AK9: variants seen among roughly 807,000 people sequenced by gnomAD.
AK9 encodes the protein adenylate kinase 9, also known as adenylate kinase domain containing 1.
AK9 carries 191 observed loss-of-function variants against 239.6 expected under a neutral mutation model. The observed-to-expected ratio is 0.80, with a 90% CI of 0.71 to 0.90. AK9 has a LOEUF of 0.90. Among genes scored for constraint, AK9 ranks in the 40% least tolerant of loss-of-function variants. The pLI is 0.00. For missense variants in AK9, 1,995 were observed against 2,214.7 expected (o/e 0.90, Z 1.99); for synonymous variants, 689 against 721.0 (o/e 0.96, Z 0.71).
chr6:109,565,935 A>T (rs1570011), intron 21 of AK9, among the ~76,000 whole-genome samples: 1 of 151,878 alleles, frequency 6.6e-6, no homozygotes, highest in Non-Finnish European at 1.5e-5. Flanking sequence ...CAAGCCTGGG[A>T]CTGGCCTGGT....
chr6:109,546,156 T>A, intron 25 of AK9, 29 bp from the exon 26 acceptor site: 1 of 901,268 alleles, frequency 1.1e-6, no homozygotes, highest in South Asian at 1.5e-5. Context: ...CAGGGAGGGG[T>A]GGGATAAAGG....
intron 17 of AK9, among the ~76,000 whole-genome samples, chr6:109,609,394 C>A (rs1793305211): frequency 6.6e-6 from 1 of 152,296 alleles, no homozygotes; most frequent in Non-Finnish European, 1.5e-5. Flanking sequence ...CATGTCAGTT[C>A]CGTCTTCCCC....
At chr6:109,658,303 T>C (rs1470028615) in intron 7 of AK9, among the ~76,000 whole-genome samples, 3 of 152,220 alleles carry the variant, frequency 2.0e-5, no homozygotes, top group Non-Finnish European at 4.4e-5. Flanking sequence ...CGTTCATTCA[T>C]TCAGCCATTA....
In AK9 at chr6:109,633,305, G is replaced by T; in HGVS notation, c.952C>A (p.Leu318Ile). 6.2e-7 allele frequency: 1 copy of T among 1,602,636 alleles called. No homozygotes were observed. Among genetic ancestry groups the T allele is most frequent in the East Asian group, 2.2e-5 (1 of 44,714 alleles). ...TMENDELFRT[L>I]ASYKLIAPRY... Reference sequence around the variant, plus strand: ...GGTGCAATAAGTTTATAAGATGCAAGAGTACGAAATAGCTCATCCTGTGAA... The same window carrying T: ...GGTGCAATAAGTTTATAAGATGCAATAGTACGAAATAGCTCATCCTGTGAA... The change falls in exon 11 of 41, where the codon CTT becomes ATT. Residue 318 changes from leucine (L) to isoleucine (I), a missense_variant. By Grantham distance (5) the Leu-to-Ile change is conservative. Coordinates refer to ENST00000424296, the MANE Select transcript of AK9 (RefSeq NM_001145128.3).
intron 17 of AK9, among the ~76,000 whole-genome samples, chr6:109,603,428 T>G (rs1396019182): frequency 1.3e-5 from 2 of 152,182 alleles, no homozygotes; most frequent in East Asian, 3.9e-4. Context: ...ATTGTTCCTC[T>G]GGAAGCTTCG....
Position 109,641,168 on chromosome 6 carries a change from T to A in AK9, c.933+350A>T, listed in dbSNP as rs190398873. The stretch of plus-strand genomic sequence containing the variant: ...ATATATATATATATATACATTTTTA[T>A]ATATATATAATTTTTTTTCAGATAG... On this transcript the variant is annotated intron_variant, in intron 10 of 40. Transcript: ENST00000424296. 1.3e-3 allele frequency among the ~76,000 whole-genome samples: 197 copies of A among 147,886 alleles called. 2 individuals are homozygous for A. Among genetic ancestry groups the A allele is most frequent in the Non-Finnish European group, 3.9e-4 (26 of 67,116 alleles).
At chr6:109,524,818 G>T (rs2128125833) in intron 29 of AK9, among the ~76,000 whole-genome samples, 1 of 152,252 alleles carries the variant, frequency 6.6e-6, no homozygotes, top group East Asian at 1.9e-4. Context: ...GTTGGAGATG[G>T]GTGGGGCAAA....
intron 26 of AK9, 67 bp from the exon 27 acceptor site, chr6:109,542,238 T>A: frequency 7.0e-7 from 1 of 1,428,696 alleles, no homozygotes; most frequent in South Asian, 1.4e-5. Context: ...ATGTTCTCAC[T>A]CATATGTGAA....
chr6:109,542,138 C>G lies in AK9; in HGVS notation c.3259G>C (p.Val1087Leu). 1 of 1,599,338 alleles carries G rather than the reference C, an allele frequency of 6.3e-7. No individual in the cohort carries two copies. The highest frequency in any genetic ancestry group is 1.7e-5 in the Admixed American group (1 of 57,412). The part of the protein sequence containing the change: ...PEVQLTEEEE[V>L]IKSSLMENEP... ...TTTTCCATTAGACTTGATTTGATTA[C>G]TTCTTCTTCTTCTGTAAGTTGTACT... Residue 1087 changes from valine to leucine, a missense_variant, in exon 27 of 41, where the codon GTA (valine) becomes CTA (leucine). Val to Leu is a conservative substitution (Grantham distance 32). Transcript: ENST00000424296.
chr6:109,669,616 A>G (rs7772109), intron 5 of AK9, among the ~76,000 whole-genome samples: 116,823 of 152,074 alleles, frequency 0.77, 45,792 homozygotes, highest in East Asian at 0.99. Flanking sequence ...GAATTTTGTC[A>G]AAGGCCTTTT....
chr6:109,684,873 C>CAAAAA lies in AK9; in HGVS notation c.-12+6269_-12+6273dup, dbSNP rs60500211. Among the ~76,000 whole-genome samples the CAAAAA allele has an allele frequency of 2.7e-4, 6 of 21,870 alleles. 1 individual carries two copies. Among genetic ancestry groups the CAAAAA allele is most frequent in the African/African-American group, 5.2e-4 (3 of 5,816 alleles). 14.3% of individuals were successfully genotyped at this position (21,870 alleles called of 152,430 possible). On this transcript the variant is annotated intron_variant, in intron 1 of 40. Transcript: ENST00000424296. ...TGGGCGACAGAGTGAGACTCCGTCT[C>CAAAAA]AAAAAAAAAAAAAAAAAAAAAAAAA...
chr6:109,657,869 C>T (rs1799921288), intron 7 of AK9, among the ~76,000 whole-genome samples: 1 of 152,042 alleles, frequency 6.6e-6, no homozygotes, highest in African/African-American at 2.4e-5. Context: ...CATCCCAGGG[C>T]CTGGCACAGG....
intron 24 of AK9, among the ~76,000 whole-genome samples, chr6:109,554,496 A>G (rs1784726388): frequency 7.5e-6 from 1 of 133,806 alleles, no homozygotes. Context: ...AGGTGTTAAT[A>G]TTCCCTGGTG....
chr6:109,632,848 A>G, intron 12 of AK9, 75 bp downstream of exon 12: 1 of 1,436,634 alleles, frequency 7.0e-7, no homozygotes, highest in African/African-American at 1.5e-5. Flanking sequence ...GAGTATAGAT[A>G]CATGACAGAT....
At chr6:109,685,121 A>G (rs1220303912) in intron 1 of AK9, among the ~76,000 whole-genome samples, 1 of 152,040 alleles carries the variant, frequency 6.6e-6, no homozygotes, top group Non-Finnish European at 1.5e-5. Flanking sequence ...ACGCTTTTAC[A>G]CTGTTGGTGG....
At chr6:109,660,022 C>T (rs1006315711) in intron 6 of AK9, among the ~76,000 whole-genome samples, 9 of 152,092 alleles carry the variant, frequency 5.9e-5, no homozygotes, top group East Asian at 1.9e-4. Context: ...TTCACTCGTG[C>T]GATTTTACTG....
chr6:109,676,304 T>G (rs1166266353), intron 1 of AK9, among the ~76,000 whole-genome samples: 3 of 152,140 alleles, frequency 2.0e-5, no homozygotes, highest in Non-Finnish European at 4.4e-5. Context: ...AACCTTTTGC[T>G]ATTTTGATTT....
At position 109,608,776 on chromosome 6, in the gene AK9, G is replaced by A. The variant is rs544670386; in HGVS notation, c.1842+1589C>T. ...TTATTCAAGACAAGATATTTGTAAA[G>A]ATAATTGCAAAATATTCAACAAAGA... On this transcript the variant is annotated intron_variant, in intron 17 of 40. Coordinates refer to ENST00000424296, the MANE Select transcript of AK9 (RefSeq NM_001145128.3). Among the ~76,000 whole-genome samples the A allele has an allele frequency of 2.0e-5, 3 of 152,036 alleles. No individual in the cohort carries two copies. The South Asian group carries it at 6.3e-4, about 32-fold the overall frequency.
chr6:109,667,587 G>A (rs1801398752), intron 5 of AK9, among the ~76,000 whole-genome samples: 1 of 149,842 alleles, frequency 6.7e-6, no homozygotes, highest in Non-Finnish European at 1.5e-5. Context: ...AGTGTGTGAT[G>A]TTCCCCTTCC....
Sources: gnomAD v4.1 joint callset for allele counts (sites outside exome capture counted in the v4.1 genomes callset) on GRCh38, gnomAD v4.1.1 for gene constraint, MANE v1.5 for transcripts, NCBI Gene and HGNC (gene_info 2026-07-23, HGNC 2026-07-21) for gene names.